Variants in WIPI1 observed in about 807,000 individuals in gnomAD.
The protein encoded by WIPI1 is WD repeat domain, phosphoinositide interacting 1.
In WIPI1, 45 loss-of-function variants were observed where a neutral mutation model predicts 55.3. The ratio of observed to expected loss-of-function variants is 0.81; its 90% CI spans 0.64 to 1.04. WIPI1 has a LOEUF of 1.04. Among genes scored for constraint, WIPI1 ranks in the 50% least tolerant of loss-of-function variants. The pLI is 0.00. For synonymous variants in WIPI1, 195 were observed against 217.6 expected (o/e 0.90, Z 0.92); for missense variants, 445 against 559.0 (o/e 0.80, Z 2.06).
At chr17:68,451,963 C>CA in intron 2 of WIPI1, among the ~76,000 whole-genome samples, 1 of 152,226 alleles carries the variant, frequency 6.6e-6, no homozygotes, top group African/African-American at 2.4e-5. Flanking sequence ...AAAAAATTCA[C>CA]AAAAATGGTG....
At chr17:68,455,144 T>C (rs2084614132) in intron 1 of WIPI1, among the ~76,000 whole-genome samples, 1 of 152,054 alleles carries the variant, frequency 6.6e-6, no homozygotes. Flanking sequence ...GGTGGATCAC[T>C]TGAGGTCAGG....
At position 68,437,005 on chromosome 17, in the gene WIPI1, A is replaced by AAATATATATAT. The variant is rs10629905; in HGVS notation, c.431-527_431-526insATATATATATT. 7.1e-4 allele frequency among the ~76,000 whole-genome samples: 76 copies of AAATATATATAT among 107,246 alleles called. 1 individual carries two copies. Among genetic ancestry groups the AAATATATATAT allele is most frequent in the Middle Eastern group, 0.011 (2 of 188 alleles). The allele number at this position is 107,246 out of a possible 152,430, so 70.4% of individuals were successfully genotyped here. The stretch of plus-strand genomic sequence containing the variant: ...TGAGACCCCGTCTCAAAAAAAAAAA[A>AAATATATATAT]ATATATATATATGTGTGTGTGTGTG... On this transcript the variant is annotated intron_variant, in intron 4 of 12. Coordinates refer to ENST00000262139, the MANE Select transcript of WIPI1 (RefSeq NM_017983.7).
intron 3 of WIPI1, among the ~76,000 whole-genome samples, chr17:68,447,842 CATT>C (rs984664209): frequency 6.6e-6 from 1 of 151,628 alleles, no homozygotes; most frequent in Non-Finnish European, 1.5e-5. Context: ...AATACAAAAA[CATT>C]AGCCGGGCGT....
chr17:68,448,188 G>C (rs1423495413), intron 3 of WIPI1: 2 of 152,196 alleles, frequency 1.3e-5, no homozygotes, highest in Non-Finnish European at 2.9e-5. Context: ...AGTCCTCCCG[G>C]ACACCACAGA....
chr17:68,436,110 G>A (rs966133223), intron 5 of WIPI1, among the ~76,000 whole-genome samples: 1 of 152,230 alleles, frequency 6.6e-6, no homozygotes, highest in African/African-American at 2.4e-5. Context: ...ATGGGACAGG[G>A]TGACACATTC....
At position 68,433,765 on chromosome 17, in the gene WIPI1, T is replaced by G. The variant is rs1429715836; in HGVS notation, c.693-190A>C. Among the ~76,000 whole-genome samples, 131 of 14,184 alleles carry G rather than the reference T, an allele frequency of 9.2e-3. 4 individuals carry two copies. The highest frequency in any genetic ancestry group is 0.024 in the African/African-American group (101 of 4,150). The allele number at this position is 14,184 out of a possible 152,430, so 9.3% of individuals were successfully genotyped here. The stretch of plus-strand genomic sequence containing the variant: ...AAGATTCACAAAGGGTCATAGTTTT[T>G]TTTTTTTTTTTTTTTTTTTTTTTTT... On this transcript the variant is annotated intron_variant, in intron 7 of 12. Coordinates refer to ENST00000262139, the MANE Select transcript of WIPI1 (RefSeq NM_017983.7).
rs138068884 is a variant in WIPI1, at chr17:68,450,379, G to A, written c.333+349C>T. 2.3e-3 allele frequency among the ~76,000 whole-genome samples: 354 copies of A among 152,298 alleles called. 2 individuals are homozygous for A. Among genetic ancestry groups the A allele is most frequent in the African/African-American group, 7.9e-3 (329 of 41,562 alleles). ...CACTATCTAGGGCAAAACCAGAAGA[G>A]TCGCTCCTCTGATTTAAGGTGCTCT... On this transcript the variant is annotated intron_variant, in intron 3 of 12. Transcript: ENST00000262139.
intron 12 of WIPI1, chr17:68,425,790 G>A (rs1166297117): frequency 3.4e-5 from 12 of 351,716 alleles, no homozygotes; most frequent in Non-Finnish European, 4.2e-5. Context: ...CAGAAGCAAA[G>A]TAAGGGATCG....
At chr17:68,427,975 G>T (rs1043567036) in intron 10 of WIPI1, among the ~76,000 whole-genome samples, 1 of 151,572 alleles carries the variant, frequency 6.6e-6, no homozygotes, top group Admixed American at 6.6e-5. Flanking sequence ...CTGCAGTCTT[G>T]ACCTTCCTGG....
In WIPI1 at chr17:68,426,242, T is replaced by TGGGGGGGG. The variant is rs754701731; in HGVS notation, c.1193-68_1193-67insCCCCCCCC. 2.3e-4 allele frequency: 160 copies of TGGGGGGGG among 682,698 alleles called. 31 individuals carry two copies. The highest frequency in any genetic ancestry group is 7.5e-4 in the Admixed American group (19 of 25,182). 42.3% of individuals were successfully genotyped at this position (682,698 alleles called of 1,614,324 possible). On this transcript the variant is annotated intron_variant, in intron 11 of 12. Coordinates refer to ENST00000262139, the MANE Select transcript of WIPI1 (RefSeq NM_017983.7). ...TGCTTTTATGCCATGACCTGGCGGG[T>TGGGGGGGG]GGGGAGCGGGGGCTCAAATAAAGGG...
intron 12 of WIPI1, chr17:68,425,849 C>T (rs2083133395): frequency 1.1e-5 from 5 of 470,014 alleles, no homozygotes; most frequent in Middle Eastern, 5.8e-4. Flanking sequence ...GATTAGTATT[C>T]GGTGACTCTA....
rs2084469208 is a variant in WIPI1, at chr17:68,450,769, T to C, written c.292A>G (p.Ser98Gly). The C allele has an allele frequency of 6.2e-7, 1 of 1,613,338 alleles. No individual in the cohort carries two copies. Among genetic ancestry groups the C allele is most frequent in the Non-Finnish European group, 8.5e-7 (1 of 1,179,706 alleles). The change falls in exon 3 of 13, where the codon AGC becomes GGC. Residue 98 changes from serine to glycine, a missense_variant. Coordinates refer to ENST00000262139, the MANE Select transcript of WIPI1 (RefSeq NM_017983.7). ...FKKGTEICNY[S>G]YSSNILSIRL... ...ATGGACAAGATGTTGCTGGAGTAGC[T>C]GTAATTACAGATCTCTGTGCCTTTC...
chr17:68,437,787 T>C lies in WIPI1; in HGVS notation c.431-1308A>G, dbSNP rs117720012. On this transcript the variant is annotated intron_variant, in intron 4 of 12. Coordinates refer to ENST00000262139, the MANE Select transcript of WIPI1 (RefSeq NM_017983.7). The stretch of plus-strand genomic sequence containing the variant: ...CCACTGAACCAACATAAGCTGTTTT[T>C]ATTTATAAGGGGATTCAAGAAGGGA... Among the ~76,000 whole-genome samples the C allele has an allele frequency of 6.0e-4, 91 of 152,004 alleles. No homozygotes were observed. The East Asian group carries it at 0.016, about 26-fold the overall frequency.
chr17:68,428,502 G>A (rs2083354450), intron 10 of WIPI1: 1 of 221,468 alleles, frequency 4.5e-6, no homozygotes, highest in African/African-American at 2.3e-5. Flanking sequence ...CAAAGTGCCG[G>A]GATTACAGGT....
In WIPI1 at chr17:68,425,127, G is replaced by C. The variant is rs920268040; in HGVS notation, c.1293+948C>G. Among the ~76,000 whole-genome samples, 6 of 152,230 alleles carry C rather than the reference G, an allele frequency of 3.9e-5. No individual in the cohort carries two copies. In the South Asian group the frequency reaches 1.2e-3, roughly 31 times the overall value. ...CCTAGCTGTGGGAACAGGCTGAGCAGGTTGCTGGGAAACCCAGCTAAAGGT... is the reference window on the plus strand; with the variant it reads ...CCTAGCTGTGGGAACAGGCTGAGCACGTTGCTGGGAAACCCAGCTAAAGGT... On this transcript the variant is annotated intron_variant, in intron 12 of 12. Transcript: ENST00000262139.
chr17:68,448,282 CA>C (rs1453828478), intron 3 of WIPI1: 1 of 152,206 alleles, frequency 6.6e-6, no homozygotes, highest in Non-Finnish European at 1.5e-5. Context: ...TTAAGAAAAG[CA>C]AACCCCCAAT....
chr17:68,445,597 C>G (rs942251801), intron 3 of WIPI1, among the ~76,000 whole-genome samples: 10 of 152,198 alleles, frequency 6.6e-5, no homozygotes, highest in African/African-American at 2.4e-4. Flanking sequence ...GCTGCCAGAC[C>G]CTTCTCTTCC....
chr17:68,438,886 C>T (rs780515916), intron 4 of WIPI1, among the ~76,000 whole-genome samples: 23 of 152,244 alleles, frequency 1.5e-4, no homozygotes, highest in Non-Finnish European at 2.9e-4. Flanking sequence ...AGGCGTGAGC[C>T]ATCGTGCCTG....
At chr17:68,434,702 G>A in intron 6 of WIPI1, 76 bp from the exon 7 acceptor site, 1 of 1,471,444 alleles carries the variant, frequency 6.8e-7, no homozygotes, top group Admixed American at 2.0e-5. Context: ...AGAGGAGTTT[G>A]TTTTATTGGT....
Sources: allele counts gnomAD v4.1 joint callset (sites outside exome capture counted in the v4.1 genomes callset), GRCh38; gene constraint gnomAD v4.1.1; transcripts MANE v1.5; gene names NCBI Gene and HGNC (gene_info 2026-07-23, HGNC 2026-07-21).